The following VPS35L variants were observed in gnomAD, a reference collection of about 807,000 sequenced individuals.
VPS35L encodes VPS35 endosomal protein sorting factor like.
In VPS35L, 83 loss-of-function variants were observed where a neutral mutation model predicts 133.0. The observed-to-expected ratio is 0.62, with a 90% confidence interval of 0.52 to 0.75. VPS35L has a LOEUF of 0.75. Ranked by LOEUF, VPS35L falls within the 30% of genes least tolerant of loss-of-function variation. The pLI, the probability that VPS35L is intolerant of heterozygous loss-of-function variation, is 0.00. For missense variants in VPS35L, 1,083 were observed against 1,206.8 expected, an observed-to-expected ratio of 0.90 and a Z score of 1.52; for synonymous variants, 423 against 449.9, an observed-to-expected ratio of 0.94 and a Z score of 0.76.
intron 7 of VPS35L, among the ~76,000 whole-genome samples, chr16:19,591,295 T>G (rs1341034363): frequency 2.6e-5 from 4 of 152,188 alleles, no homozygotes; most frequent in African/African-American, 4.8e-5. Flanking sequence ...GGGCCACAGA[T>G]GAGGACTGTG....
intron 27 of VPS35L, among the ~76,000 whole-genome samples, chr16:19,671,210 C>G (rs1974860813): frequency 6.6e-6 from 1 of 152,178 alleles, no homozygotes; most frequent in South Asian, 2.1e-4. Flanking sequence ...TGGCTCATGC[C>G]TGTATCCCAG....
intron 12 of VPS35L, among the ~76,000 whole-genome samples, chr16:19,615,511 G>T (rs530172444): frequency 1.3e-5 from 2 of 152,134 alleles, no homozygotes; most frequent in Admixed American, 1.3e-4. Flanking sequence ...TTAGCCAAGT[G>T]TCGTGACACA....
chr16:19,612,198 A>G (rs533687658), intron 12 of VPS35L, among the ~76,000 whole-genome samples: 2 of 151,796 alleles, frequency 1.3e-5, no homozygotes, highest in East Asian at 1.9e-4. Flanking sequence ...CGGCCTCTCA[A>G]AGTGCTGGGT....
chr16:19,569,637 G>A, intron 3 of VPS35L, 46 bp downstream of exon 3: 1 of 1,486,900 alleles, frequency 6.7e-7, no homozygotes, highest in East Asian at 2.4e-5. Context: ...TGGTTTTGTG[G>A]GTGCAGGAAT....
intron 26 of VPS35L, among the ~76,000 whole-genome samples, chr16:19,667,435 C>G (rs1974730840): frequency 6.6e-6 from 1 of 152,094 alleles, no homozygotes; most frequent in South Asian, 2.1e-4. Flanking sequence ...ACGTAACAGG[C>G]TTAGAAAATA....
Position 19,699,621 on chromosome 16 carries a change from G to A in VPS35L, c.2766G>A (p.Arg922=). The change falls in exon 30 of 31, where the codon AGG becomes AGA. Residue 922 remains arginine, a synonymous_variant. Transcript: ENST00000417362. The surrounding 1 kb of genome is among the most constrained non-coding windows in gnomAD (Gnocchi z 4.2). ...LSVNLWHLAQ[R]HGCADTRTMV... is the part of the protein sequence containing the mutation. ...TCAACCTGTGGCACCTGGCACAGAGGCACGGCTGTGCAGACACCAGGACCA... is the reference window on the plus strand; with the variant it reads ...TCAACCTGTGGCACCTGGCACAGAGACACGGCTGTGCAGACACCAGGACCA... 2 of 1,613,898 alleles carry A rather than the reference G, an allele frequency of 1.2e-6. No homozygotes were observed. The highest frequency in any genetic ancestry group is 1.7e-6 in the Non-Finnish European group (2 of 1,180,016).
chr16:19,618,740 T>C (rs1299521108), intron 14 of VPS35L, among the ~76,000 whole-genome samples: 2 of 152,264 alleles, frequency 1.3e-5, no homozygotes, highest in East Asian at 3.9e-4. Flanking sequence ...TCCTATTTTC[T>C]AGTCCGTTGC....
intron 8 of VPS35L, among the ~76,000 whole-genome samples, chr16:19,595,972 C>T (rs548940053): frequency 9.9e-5 from 15 of 152,194 alleles, no homozygotes; most frequent in Middle Eastern, 3.4e-3. Context: ...GGTGAAACCT[C>T]GTCTCTACTA....
At chr16:19,672,847 G>A (rs187450751) in intron 27 of VPS35L, among the ~76,000 whole-genome samples, 33 of 152,336 alleles carry the variant, frequency 2.2e-4, no homozygotes, top group Admixed American at 6.5e-4. Context: ...GTTGGTAAAA[G>A]TGAGAAGGCA....
chr16:19,605,421 A>G (rs1431155215), intron 9 of VPS35L, among the ~76,000 whole-genome samples: 1 of 152,246 alleles, frequency 6.6e-6, no homozygotes, highest in African/African-American at 2.4e-5. Flanking sequence ...TCCTGTGCCC[A>G]GAACCCTTCA....
intron 28 of VPS35L, among the ~76,000 whole-genome samples, chr16:19,682,940 A>G (rs897599604): frequency 2.0e-5 from 3 of 152,012 alleles, no homozygotes; most frequent in African/African-American, 7.2e-5. Flanking sequence ...TGATTGATTG[A>G]TTGAGACAAG....
chr16:19,594,641 TCTCA>T (rs1972144680), intron 8 of VPS35L, among the ~76,000 whole-genome samples: 1 of 34,488 alleles, frequency 2.9e-5, no homozygotes, highest in Non-Finnish European at 6.4e-5. Flanking sequence ...TGAGATTTCG[TCTCA>T]AAAAAAAAAA....
Position 19,593,974 on chromosome 16 carries a change from C to T in VPS35L, c.724+2100C>T, listed in dbSNP as rs145473231. 2.6e-5 allele frequency among the ~76,000 whole-genome samples: 4 copies of T among 152,124 alleles called. No individual in the cohort carries two copies. The East Asian group carries it at 5.8e-4, about 22-fold the overall frequency. ...CCTTGCCCTTGGTTGGGTGCATTCT[C>T]GAGCTTCACAAGCTGTCCTCAGCTT... On this transcript the variant is annotated intron_variant, in intron 8 of 30. Coordinates refer to ENST00000417362, the MANE Select transcript of VPS35L (RefSeq NM_020314.7).
At chr16:19,604,617 T>C (rs1410653761) in intron 9 of VPS35L, among the ~76,000 whole-genome samples, 1 of 152,226 alleles carries the variant, frequency 6.6e-6, no homozygotes, top group East Asian at 1.9e-4. Flanking sequence ...AAGTTGTTGG[T>C]GATCTGAGGA....
intron 1 of VPS35L, among the ~76,000 whole-genome samples, chr16:19,559,432 C>T (rs1970958725): frequency 6.6e-6 from 1 of 152,134 alleles, no homozygotes; most frequent in Non-Finnish European, 1.5e-5. Context: ...AAGCCCTTTA[C>T]ATTACTGGGG....
At position 19,673,507 on chromosome 16, in the gene VPS35L, C is replaced by T. The variant is rs995504515; in HGVS notation, c.2361+4208C>T. On this transcript the variant is annotated intron_variant, in intron 27 of 30. Transcript: ENST00000417362. ...CCCTTAGGCATTTGTGGAAAGAGCTCCTGCTCTCAACAGATTCATTATTCC... is the reference window on the plus strand; with the variant it reads ...CCCTTAGGCATTTGTGGAAAGAGCTTCTGCTCTCAACAGATTCATTATTCC... 6.6e-5 allele frequency among the ~76,000 whole-genome samples: 10 copies of T among 152,326 alleles called. No homozygotes were observed. The East Asian group carries it at 1.9e-3, about 29-fold the overall frequency.
rs534359133 is a variant in VPS35L, at chr16:19,598,232, C to T, written c.725-3432C>T. On this transcript the variant is annotated intron_variant, in intron 8 of 30. Coordinates refer to ENST00000417362, the MANE Select transcript of VPS35L (RefSeq NM_020314.7). ...GATTCATAGGAAGTATAATGTCTTTCCTTTTCTAAGAGCTTGCTGGCAGGA... is the reference window on the plus strand; with the variant it reads ...GATTCATAGGAAGTATAATGTCTTTTCTTTTCTAAGAGCTTGCTGGCAGGA... Among the ~76,000 whole-genome samples, 16 of 152,282 alleles carry T rather than the reference C, an allele frequency of 1.1e-4. No homozygotes were observed. The East Asian group carries it at 2.5e-3, about 24-fold the overall frequency.
chr16:19,693,860 T>C (rs74910705), intron 29 of VPS35L, among the ~76,000 whole-genome samples: 7,796 of 149,036 alleles, frequency 0.052, 627 homozygotes, highest in African/African-American at 0.18. Flanking sequence ...GAGGCGGGAA[T>C]TGAAGGCTGC....
intron 14 of VPS35L, among the ~76,000 whole-genome samples, chr16:19,623,927 C>G (rs1206097101): frequency 4.0e-5 from 6 of 149,978 alleles, no homozygotes; most frequent in Admixed American, 6.7e-5. Context: ...CCTTAGCCTT[C>G]TGACTAGCTG....
Sources: allele counts gnomAD v4.1 joint callset (sites outside exome capture counted in the v4.1 genomes callset), GRCh38; gene constraint gnomAD v4.1.1; non-coding constraint Gnocchi (gnomAD v3.1); transcripts MANE v1.5; gene names NCBI Gene and HGNC (gene_info 2026-07-23, HGNC 2026-07-21).